Variants in METAP1D observed in about 807,000 individuals in gnomAD.
METAP1D encodes the protein methionine aminopeptidase 1D, mitochondrial.
A neutral mutation model predicts 40.5 loss-of-function variants in METAP1D; 31 were observed. The observed-to-expected ratio is 0.77, with a 90% CI of 0.58 to 1.03. METAP1D has a LOEUF of 1.03. METAP1D is among the 50% of genes least tolerant of loss of function. The probability of loss-of-function intolerance (pLI) is 0.00; values close to 1 mark genes in which losing one functional copy is unlikely to be tolerated. For synonymous variants in METAP1D, 151 were observed against 146.4 expected, an observed-to-expected ratio of 1.03 and a Z score of -0.22; for missense variants, 411 against 420.7, an observed-to-expected ratio of 0.98 and a Z score of 0.20.
intron 1 of METAP1D, among the ~76,000 whole-genome samples, chr2:172,046,938 A>G (rs1689775797): frequency 6.6e-6 from 1 of 152,222 alleles, no homozygotes; most frequent in South Asian, 2.1e-4. Context: ...TACTGAATTT[A>G]GGCTATCAGG....
chr2:172,006,201 T>G (rs1440026960), intron 1 of METAP1D, among the ~76,000 whole-genome samples: 4 of 94,354 alleles, frequency 4.2e-5, no homozygotes, highest in Non-Finnish European at 8.9e-5. Flanking sequence ...TTTTTTTTTT[T>G]GAGACGAAGT....
chr2:172,066,179 G>C, intron 4 of METAP1D, 85 bp from the exon 5 acceptor site: 1 of 1,082,120 alleles, frequency 9.2e-7, no homozygotes. Context: ...CATTGGGTTT[G>C]TGACAGTAGT....
chr2:172,041,738 A>ATATATATATATATATATATG (rs1689535324), intron 1 of METAP1D, among the ~76,000 whole-genome samples: 2 of 77,702 alleles, frequency 2.6e-5, no homozygotes, highest in Non-Finnish European at 5.7e-5. Context: ...ATATATATAT[A>ATATATATATATATATATATG]TATATATATA....
rs972056607 is a variant in METAP1D at position 172,026,867 on chromosome 2, G to A, written c.40+26858G>A. On this transcript the variant is annotated intron_variant, in intron 1 of 9. Coordinates refer to ENST00000315796, the MANE Select transcript of METAP1D (RefSeq NM_199227.3). Reference sequence around the variant, plus strand: ...TACCAACATCCTATCCAGAGGGAAGGGGATAAATTTTTATTATCTATATTT... The same window carrying A: ...TACCAACATCCTATCCAGAGGGAAGAGGATAAATTTTTATTATCTATATTT... Among the ~76,000 whole-genome samples the A allele has an allele frequency of 5.9e-5, 9 of 152,050 alleles. No homozygotes were observed. The South Asian group carries it at 1.5e-3, about 25-fold the overall frequency.
intron 1 of METAP1D, among the ~76,000 whole-genome samples, chr2:172,047,015 ATTAT>A (rs1689777408): frequency 6.6e-6 from 1 of 152,096 alleles, no homozygotes; most frequent in Admixed American, 6.6e-5. Flanking sequence ...GTCACTGGTA[ATTAT>A]TTGTTTTTTT....
chr2:172,027,784 C>T (rs1484908465), intron 1 of METAP1D, among the ~76,000 whole-genome samples: 1 of 152,254 alleles, frequency 6.6e-6, no homozygotes, highest in Non-Finnish European at 1.5e-5. Flanking sequence ...TTCCAGGTAG[C>T]AGTGGAATTT....
In METAP1D at chr2:172,080,216, TTCTGC is replaced by T. The variant is rs765665559; in HGVS notation, c.929+15_929+19del. The T allele has an allele frequency of 6.2e-7, 1 of 1,614,142 alleles. No individual in the cohort carries two copies. The highest frequency in any genetic ancestry group is 8.5e-7 in the Non-Finnish European group (1 of 1,179,946). Reference sequence around the variant, plus strand: ...CCCTAGACAATCAAAGGTGTTTGCTTTCTGCTCTGTTGCTTTTAAATTGTATGGGA... The same window carrying T: ...CCCTAGACAATCAAAGGTGTTTGCTTTCTGTTGCTTTTAAATTGTATGGGA... On this transcript the variant is annotated intron_variant, in intron 9 of 9. Transcript: ENST00000315796.
chr2:172,010,292 C>T (rs918302471), intron 1 of METAP1D, among the ~76,000 whole-genome samples: 1 of 151,522 alleles, frequency 6.6e-6, no homozygotes, highest in Non-Finnish European at 1.5e-5. Flanking sequence ...AGGTGCACAC[C>T]ACCACACCTG....
At chr2:172,058,545 A>C (rs1015620085) in intron 1 of METAP1D, among the ~76,000 whole-genome samples, 7 of 104,492 alleles carry the variant, frequency 6.7e-5, no homozygotes, top group Non-Finnish European at 1.6e-4. Flanking sequence ...TCTATCAAGC[A>C]ACTTTTTTTT....
In METAP1D at chr2:172,080,148, T is replaced by A. The variant is rs1690665982; in HGVS notation, c.871T>A (p.Ser291Thr). 1 of 1,614,040 alleles carries A rather than the reference T, an allele frequency of 6.2e-7. No individual in the cohort carries two copies. The highest frequency in any genetic ancestry group is 1.3e-5 in the African/African-American group (1 of 74,934). The change falls in exon 9 of 10, where the codon TCC becomes ACC. Residue 291 changes from serine to threonine, a missense_variant. Ser to Thr is a moderately conservative substitution (Grantham distance 58). Coordinates refer to ENST00000315796, the MANE Select transcript of METAP1D (RefSeq NM_199227.3). The stretch of plus-strand genomic sequence containing the variant: ...TACAGAGCCAATCATCACGGAGGGA[T>A]CCCCTGAATTTAAAGTCCTGGAGGA... ...FTIEPIITEG[S>T]PEFKVLEDAW...
Position 172,080,398 on chromosome 2 carries a change from G to A in METAP1D, c.1000G>A (p.Glu334Lys), listed in dbSNP as rs751586444. ...GAQILTKLPH[E>K]A ...GCAGATCCTGACCAAACTACCCCAT[G>A]AGGCCTGAGGAGCCGCCCGAAGGTC... The change falls in exon 10 of 10, where the codon GAG becomes AAG. Residue 334 changes from glutamate (E) to lysine (K), a missense_variant. Glu to Lys is a moderately conservative substitution (Grantham distance 56). Coordinates refer to ENST00000315796, the MANE Select transcript of METAP1D (RefSeq NM_199227.3). 3.7e-6 allele frequency: 6 copies of A among 1,613,880 alleles called. No individual in the cohort carries two copies. The highest frequency in any genetic ancestry group is 5.1e-6 in the Non-Finnish European group (6 of 1,179,908).
chr2:172,011,004 C>T (rs1688706015), intron 1 of METAP1D, among the ~76,000 whole-genome samples: 1 of 152,270 alleles, frequency 6.6e-6, no homozygotes, highest in Admixed American at 6.5e-5. Context: ...ATCTGCCTGC[C>T]TCAGTCTCCC....
chr2:172,001,871 C>T (rs569523022), intron 1 of METAP1D, among the ~76,000 whole-genome samples: 15 of 151,848 alleles, frequency 9.9e-5, no homozygotes, highest in South Asian at 4.2e-4. Context: ...CCAAGGCGGG[C>T]AGATCACTTG....
chr2:172,027,145 A>G (rs1164783655), intron 1 of METAP1D, among the ~76,000 whole-genome samples: 3 of 152,222 alleles, frequency 2.0e-5, no homozygotes, highest in African/African-American at 7.2e-5. Context: ...ACACTAGGGT[A>G]GATGATAAAT....
chr2:172,045,336 G>C lies in METAP1D; in HGVS notation c.41-16162G>C, dbSNP rs1284219401. Among the ~76,000 whole-genome samples the C allele has an allele frequency of 1.5e-5, 2 of 132,856 alleles. 1 individual carries two copies. The highest frequency in any genetic ancestry group is 3.5e-5 in the Non-Finnish European group (2 of 57,228). 87.2% of individuals were successfully genotyped at this position (132,856 alleles called of 152,430 possible). The stretch of plus-strand genomic sequence containing the variant: ...AAATAAGGTACTATGTGATCCCTTC[G>C]TATAAGGGAATGCTCCAAAACCACT... On this transcript the variant is annotated intron_variant, in intron 1 of 9. Transcript: ENST00000315796.
intron 1 of METAP1D, among the ~76,000 whole-genome samples, chr2:172,017,620 T>C (rs1409200443): frequency 1.3e-5 from 2 of 151,586 alleles, no homozygotes; most frequent in African/African-American, 4.8e-5. Flanking sequence ...TGGACAAAAA[T>C]GTGATTCATG....
Position 172,065,684 on chromosome 2 carries a change from C to T in METAP1D, c.429C>T (p.Gly143=), listed in dbSNP as rs1255910998. Reference sequence around the variant, plus strand: ...ATAATGCCTATCCCTCACCTCTAGGCTATGGAGGTTTTCCAAAATCTGTTT... The same window carrying T: ...ATAATGCCTATCCCTCACCTCTAGGTTATGGAGGTTTTCCAAAATCTGTTT... ...ISHNAYPSPL[G]YGGFPKSVCT... Residue 143 remains glycine (G), a synonymous_variant, in exon 4 of 10, where the codon GGC becomes GGT. Coordinates refer to ENST00000315796, the MANE Select transcript of METAP1D (RefSeq NM_199227.3). The T allele has an allele frequency of 4.3e-6, 7 of 1,613,848 alleles. No individual in the cohort carries two copies. Among genetic ancestry groups the T allele is most frequent in the Non-Finnish European group, 5.9e-6 (7 of 1,179,892 alleles).
intron 1 of METAP1D, among the ~76,000 whole-genome samples, chr2:172,045,815 GTGTGTATA>G (rs1235551322): frequency 0.021 from 495 of 24,020 alleles, 4 homozygotes; most frequent in Non-Finnish European, 0.028. Flanking sequence ...GTGTGTGTGT[GTGTGTATA>G]TATATATATA....
intron 1 of METAP1D, among the ~76,000 whole-genome samples, chr2:172,025,471 G>C (rs1689102054): frequency 6.6e-6 from 1 of 152,028 alleles, no homozygotes; most frequent in Non-Finnish European, 1.5e-5. Flanking sequence ...TGGGACTACA[G>C]GCAAGTGCCA....
Sources: gnomAD v4.1 joint callset for allele counts (sites outside exome capture counted in the v4.1 genomes callset) on GRCh38, gnomAD v4.1.1 for gene constraint, MANE v1.5 for transcripts, NCBI Gene and HGNC (gene_info 2026-07-23, HGNC 2026-07-21) for gene names.